The following PPP1R12A variants were observed in gnomAD, a reference collection of about 807,000 sequenced individuals.
The protein encoded by PPP1R12A is protein phosphatase 1 regulatory subunit 12A.
Under a neutral mutation model 139.6 loss-of-function variants are expected in PPP1R12A, and 19 were observed. That is an observed-to-expected ratio of 0.14 (90% CI 0.09 to 0.20). The LOEUF (loss-of-function observed/expected upper bound fraction) is 0.20, where lower values mean the gene tolerates loss of function less well. Ranked by LOEUF, PPP1R12A falls within the 10% of genes least tolerant of loss-of-function variation. The probability of loss-of-function intolerance (pLI) is 1.00; values close to 1 mark genes in which losing one functional copy is unlikely to be tolerated. For missense variants in PPP1R12A, 925 were observed against 1,211.5 expected (o/e 0.76, Z 3.51); for synonymous variants, 427 against 420.6 (o/e 1.02, Z -0.19).
chr12:79,913,507 TCCA>T (rs887347527), intron 1 of PPP1R12A, among the ~76,000 whole-genome samples: 1 of 152,194 alleles, frequency 6.6e-6, no homozygotes, highest in Admixed American at 6.5e-5. Context: ...TGGATCTTTT[TCCA>T]CACTCTATTC....
intron 21 of PPP1R12A, 62 bp downstream of exon 21, chr12:79,788,586 T>C: frequency 7.1e-7 from 1 of 1,407,684 alleles, no homozygotes; most frequent in Non-Finnish European, 9.6e-7. Flanking sequence ...AAATAATATT[T>C]GAATGAGTAT....
intron 22 of PPP1R12A, among the ~76,000 whole-genome samples, chr12:79,784,222 C>A (rs777214357): frequency 2.6e-5 from 4 of 151,908 alleles, no homozygotes; most frequent in Non-Finnish European, 4.4e-5. Flanking sequence ...AAGTTGAACC[C>A]CTGATTAAAG....
chr12:79,891,164 A>T (rs10862020), intron 1 of PPP1R12A, among the ~76,000 whole-genome samples: 6,142 of 152,186 alleles, frequency 0.04, 438 homozygotes, highest in East Asian at 0.29. Context: ...CTATATTCAG[A>T]TATGTTTTTA....
At chr12:79,841,912 T>C (rs1878756173) in intron 3 of PPP1R12A, among the ~76,000 whole-genome samples, 1 of 152,250 alleles carries the variant, frequency 6.6e-6, no homozygotes, top group African/African-American at 2.4e-5. Context: ...TTCTATTGCA[T>C]TTCTTGTTTT....
intron 23 of PPP1R12A, among the ~76,000 whole-genome samples, chr12:79,781,208 A>G (rs1019077468): frequency 6.6e-6 from 1 of 152,166 alleles, no homozygotes; most frequent in Non-Finnish European, 1.5e-5. Flanking sequence ...TTGAGCAACA[A>G]TAAGTGAAGA....
At chr12:79,806,469 AC>A in intron 12 of PPP1R12A, 136 bp from the exon 13 acceptor site, 1 of 729,090 alleles carries the variant, frequency 1.4e-6, no homozygotes, top group Non-Finnish European at 2.2e-6. Context: ...CAGCTCCAGC[AC>A]CAAGAGTTGC....
At chr12:79,781,903 A>G in intron 22 of PPP1R12A, 41 bp from the exon 23 acceptor site, 1 of 1,295,520 alleles carries the variant, frequency 7.7e-7, no homozygotes, top group South Asian at 1.4e-5. Context: ...TAAGTGCAAA[A>G]AAGTTCAGGG....
chr12:79,813,229 G>A (rs540756928), intron 9 of PPP1R12A, among the ~76,000 whole-genome samples: 24 of 152,152 alleles, frequency 1.6e-4, no homozygotes, highest in African/African-American at 5.5e-4. Flanking sequence ...TTTTTCCTGC[G>A]AAAGTATTCC....
chr12:79,896,006 T>C (rs1885095527), intron 1 of PPP1R12A, among the ~76,000 whole-genome samples: 1 of 151,088 alleles, frequency 6.6e-6, no homozygotes, highest in Non-Finnish European at 1.5e-5. Context: ...AAAACAATTT[T>C]TTTTTTTAAA....
intron 1 of PPP1R12A, among the ~76,000 whole-genome samples, chr12:79,902,613 G>A (rs1220303785): frequency 6.6e-6 from 1 of 152,094 alleles, no homozygotes; most frequent in East Asian, 1.9e-4. Flanking sequence ...CAGGTACATA[G>A]GTGTATATAT....
intron 1 of PPP1R12A, among the ~76,000 whole-genome samples, chr12:79,906,155 T>G (rs1183560991): frequency 6.6e-6 from 1 of 151,996 alleles, no homozygotes; most frequent in African/African-American, 2.4e-5. Context: ...ATGAGTGAAC[T>G]GCAAATAATA....
chr12:79,926,869 G>A (rs1163018546), intron 1 of PPP1R12A, among the ~76,000 whole-genome samples: 4 of 151,958 alleles, frequency 2.6e-5, no homozygotes, highest in South Asian at 4.1e-4. Flanking sequence ...GTACATGTAC[G>A]TATGTATAAA....
rs1869473669 is a variant in PPP1R12A at position 79,773,695 on chromosome 12, A to C, written c.*2234T>G. 1 of 152,212 alleles carries C rather than the reference A, an allele frequency of 6.6e-6. No homozygotes were observed. The highest frequency in any genetic ancestry group is 2.4e-5 in the African/African-American group (1 of 41,468). 9.4% of individuals were successfully genotyped at this position (152,212 alleles called of 1,614,324 possible). A position where few individuals can be genotyped will look rare whatever the true frequency, so the allele number is the denominator to read the frequency against. On this transcript the variant is annotated 3_prime_UTR_variant, in exon 25 of 25. Coordinates refer to ENST00000450142, the MANE Select transcript of PPP1R12A (RefSeq NM_002480.3). ...TGTACAATGCTGTGCAAATTATCAC[A>C]ATATTACAATTTCAGAAATTATTCA...
chr12:79,835,439 C>G (rs1384565376), intron 3 of PPP1R12A, among the ~76,000 whole-genome samples: 1 of 152,104 alleles, frequency 6.6e-6, no homozygotes, highest in Non-Finnish European at 1.5e-5. Context: ...CAGGTTCTGT[C>G]TCTATGGAGA....
At chr12:79,814,488 AAAAAAAAAAAAAG>A (rs1224724622) in intron 9 of PPP1R12A, among the ~76,000 whole-genome samples, 3 of 144,998 alleles carry the variant, frequency 2.1e-5, no homozygotes, top group East Asian at 2.0e-4. Context: ...AAAAAAAAAA[AAAAAAAAAAAAAG>A]GACTCCCCCT....
At chr12:79,873,844 G>A (rs1882825516) in intron 1 of PPP1R12A, among the ~76,000 whole-genome samples, 1 of 152,148 alleles carries the variant, frequency 6.6e-6, no homozygotes, top group Non-Finnish European at 1.5e-5. Context: ...AAGCACTTGT[G>A]ACATTGAGAT....
rs527814871 is a variant in PPP1R12A at position 79,831,815 on chromosome 12, T to C, written c.647+517A>G. Reference sequence around the variant, plus strand: ...TTCCAAGCAAATTTGCTAAACAATATACAGCCCTGTAGAGTCAAAGTTGCT... The same window carrying C: ...TTCCAAGCAAATTTGCTAAACAATACACAGCCCTGTAGAGTCAAAGTTGCT... On this transcript the variant is annotated intron_variant, in intron 4 of 24. Transcript: ENST00000450142. 2.6e-5 allele frequency among the ~76,000 whole-genome samples: 4 copies of C among 152,340 alleles called. No homozygotes were observed. In the East Asian group the frequency reaches 5.8e-4, roughly 22 times the overall value.
chr12:79,884,507 A>C (rs1883928325), intron 1 of PPP1R12A, among the ~76,000 whole-genome samples: 1 of 152,190 alleles, frequency 6.6e-6, no homozygotes, highest in South Asian at 2.1e-4. Flanking sequence ...TGTCCTCAAC[A>C]TTTATAAAGT....
intron 1 of PPP1R12A, among the ~76,000 whole-genome samples, chr12:79,892,371 ATGAT>A (rs1194391085): frequency 6.6e-6 from 1 of 152,206 alleles, no homozygotes; most frequent in Non-Finnish European, 1.5e-5. Flanking sequence ...GGCAGTACTC[ATGAT>A]TAACAAGTAA....
Sources: gnomAD v4.1 joint callset for allele counts (sites outside exome capture counted in the v4.1 genomes callset) on GRCh38, gnomAD v4.1.1 for gene constraint, MANE v1.5 for transcripts, NCBI Gene and HGNC (gene_info 2026-07-23, HGNC 2026-07-21) for gene names.